CHAT: variants seen among roughly 807,000 people sequenced by gnomAD.
CHAT encodes choline O-acetyltransferase, also known as acetyl CoA:choline O-acetyltransferase.
Under a neutral mutation model 76.9 loss-of-function variants are expected in CHAT, and 61 were observed. The ratio of observed to expected loss-of-function variants is 0.79; its 90% CI spans 0.65 to 0.98. The LOEUF is 0.98. CHAT is among the 50% of genes least tolerant of loss of function. The pLI is 0.00. For missense variants in CHAT, 946 were observed against 986.9 expected, an observed-to-expected ratio of 0.96 and a Z score of 0.56; for synonymous variants, 407 against 397.4, an observed-to-expected ratio of 1.02 and a Z score of -0.29.
intron 13 of CHAT, among the ~76,000 whole-genome samples, chr10:49,659,152 A>G (rs1367809974): frequency 1.3e-5 from 2 of 152,246 alleles, no homozygotes; most frequent in Non-Finnish European, 2.9e-5. Context: ...TCTGAACAGC[A>G]TCATTGGAAG....
chr10:49,624,731 G>A (rs1043253580), intron 5 of CHAT, among the ~76,000 whole-genome samples: 14 of 35,522 alleles, frequency 3.9e-4, no homozygotes, highest in Admixed American at 1.9e-3. Flanking sequence ...ATGGATGGAC[G>A]GATGGATGGA....
At chr10:49,625,015 A>G (rs73319035) in intron 5 of CHAT, among the ~76,000 whole-genome samples, 13,134 of 152,046 alleles carry the variant, frequency 0.086, 1,872 homozygotes, top group African/African-American at 0.3. Flanking sequence ...GGGAGGGAGA[A>G]AGGAAGGATA....
intron 7 of CHAT, among the ~76,000 whole-genome samples, chr10:49,635,339 A>G (rs1359510962): frequency 6.6e-6 from 1 of 152,176 alleles, no homozygotes; most frequent in Non-Finnish European, 1.5e-5. Flanking sequence ...TTACCCATCA[A>G]AGGACATCCG....
chr10:49,662,605 C>T (rs1840226755), intron 13 of CHAT, 40 bp from the exon 14 acceptor site: 15 of 1,612,660 alleles, frequency 9.3e-6, no homozygotes, highest in Non-Finnish European at 1.2e-5. Context: ...GTGCAGGAGG[C>T]CCACTTCTCA....
intron 7 of CHAT, among the ~76,000 whole-genome samples, chr10:49,636,009 G>A (rs1839282615): frequency 6.6e-6 from 1 of 151,724 alleles, no homozygotes; most frequent in Non-Finnish European, 1.5e-5. Flanking sequence ...AAATGATTAT[G>A]TATGTAGAAA....
intron 11 of CHAT, 118 bp from the exon 12 acceptor site, chr10:49,654,977 T>C: frequency 1.9e-6 from 2 of 1,079,896 alleles, no homozygotes; most frequent in Non-Finnish European, 2.9e-6. Context: ...AAATGAAATA[T>C]TCTGCCAAGT....
intron 7 of CHAT, among the ~76,000 whole-genome samples, chr10:49,641,429 T>G (rs564038705): frequency 6.6e-6 from 1 of 152,308 alleles, no homozygotes; most frequent in East Asian, 1.9e-4. Context: ...GAAAAGTATA[T>G]GTTCCTGGAA....
intron 7 of CHAT, chr10:49,637,375 G>A (rs1839329846): frequency 6.6e-6 from 1 of 152,010 alleles, no homozygotes; most frequent in African/African-American, 2.4e-5. Context: ...CTCTGATATG[G>A]TTTGTCTCTA....
intron 11 of CHAT, 128 bp downstream of exon 11, chr10:49,652,134 GA>G: frequency 7.9e-7 from 1 of 1,263,040 alleles, no homozygotes; most frequent in Non-Finnish European, 1.1e-6. Context: ...GAGAGGGACT[GA>G]GGCTGCATGA....
intron 4 of CHAT, among the ~76,000 whole-genome samples, 170 bp from the exon 5 acceptor site, chr10:49,621,927 C>A (rs775116343): frequency 4.8e-3 from 9 of 1,878 alleles, no homozygotes; most frequent in Non-Finnish European, 7.5e-3. Flanking sequence ...ATACAATGGG[C>A]GATCACAGAG....
chr10:49,652,355 G>T (rs1839907489), intron 11 of CHAT, among the ~76,000 whole-genome samples: 1 of 152,158 alleles, frequency 6.6e-6, no homozygotes, highest in Non-Finnish European at 1.5e-5. Flanking sequence ...AAGCCCTATT[G>T]CTGCAACCTG....
chr10:49,616,645 C>T (rs1564470522), intron 2 of CHAT, 43 bp downstream of exon 2: 1 of 1,329,908 alleles, frequency 7.5e-7, no homozygotes, highest in Non-Finnish European at 1.1e-6. Flanking sequence ...GCTTTCCCCA[C>T]CTACATGCCC....
chr10:49,652,628 T>C (rs1839916325), intron 11 of CHAT, among the ~76,000 whole-genome samples: 1 of 151,904 alleles, frequency 6.6e-6, no homozygotes, highest in African/African-American at 2.4e-5. Flanking sequence ...CTGGTAATCC[T>C]GTCTTCATGA....
chr10:49,609,788 T>C (rs1446577887), upstream of CHAT, among the ~76,000 whole-genome samples: 4 of 152,138 alleles, frequency 2.6e-5, no homozygotes, highest in Admixed American at 1.3e-4. Flanking sequence ...GGGGTGTCCG[T>C]GTCCAGCGCT....
At chr10:49,662,920 G>T (rs1242964178) in intron 14 of CHAT, 138 bp downstream of exon 14, 3 of 1,093,532 alleles carry the variant, frequency 2.7e-6, no homozygotes, top group Non-Finnish European at 2.8e-6. Flanking sequence ...TCAGCAAAAT[G>T]ATCTGAATGT....
At chr10:49,658,401 C>CA (rs1840096068) in intron 13 of CHAT, among the ~76,000 whole-genome samples, 1 of 152,218 alleles carries the variant, frequency 6.6e-6, no homozygotes, top group Admixed American at 6.5e-5. Flanking sequence ...CCTGCAATCC[C>CA]AGCTACTCGG....
chr10:49,645,424 T>C (rs1468588142), intron 7 of CHAT, among the ~76,000 whole-genome samples: 1 of 152,202 alleles, frequency 6.6e-6, no homozygotes, highest in Non-Finnish European at 1.5e-5. Context: ...GTGGACTTTT[T>C]AACTTTTGGT....
At chr10:49,658,684 G>C (rs1840104073) in intron 13 of CHAT, among the ~76,000 whole-genome samples, 1 of 152,150 alleles carries the variant, frequency 6.6e-6, no homozygotes, top group African/African-American at 2.4e-5. Context: ...ACTCCAGCCT[G>C]GGCGACACAG....
intron 2 of CHAT, among the ~76,000 whole-genome samples, chr10:49,618,391 C>T (rs145077136): frequency 2.6e-3 from 391 of 152,232 alleles, no homozygotes; most frequent in African/African-American, 8.5e-3. Context: ...GGGTTTGCTA[C>T]CCCCATTTTA....
Sources: gnomAD v4.1 joint callset for allele counts (sites outside exome capture counted in the v4.1 genomes callset) on GRCh38, gnomAD v4.1.1 for gene constraint, MANE v1.5 for transcripts, NCBI Gene and HGNC (gene_info 2026-07-23, HGNC 2026-07-21) for gene names.